The following ZFYVE19 variants were observed in gnomAD, a reference collection of about 807,000 sequenced individuals.
The protein encoded by ZFYVE19 is abscission/NoCut checkpoint regulator.
In ZFYVE19, 49 loss-of-function variants were observed where a neutral mutation model predicts 62.8. That is an observed-to-expected ratio of 0.78 (90% CI 0.62 to 0.99). The LOEUF (loss-of-function observed/expected upper bound fraction) is 0.99. Ranked by LOEUF, ZFYVE19 falls within the 50% of genes least tolerant of loss-of-function variation. ZFYVE19 has a pLI of 0.00. For missense variants in ZFYVE19, 630 were observed against 601.9 expected (o/e 1.05, Z -0.49); for synonymous variants, 242 against 234.3 (o/e 1.03, Z -0.30).
At position 40,809,849 on chromosome 15, in the gene ZFYVE19, C is replaced by A; in HGVS notation, c.453-3C>A. ...CAAGAGCCTCTATCTCATATCCTGC[C>A]AGGCGTGTGGCAGCCTTGGAAGCCA... On this transcript the variant is annotated splice_polypyrimidine_tract_variant and splice_region_variant and intron_variant, in intron 3 of 10. Coordinates refer to ENST00000355341, the MANE Select transcript of ZFYVE19 (RefSeq NM_001077268.2). The A allele has an allele frequency of 1.2e-6, 2 of 1,614,088 alleles. No individual in the cohort carries two copies. The highest frequency in any genetic ancestry group is 1.7e-6 in the Non-Finnish European group (2 of 1,179,958).
Position 40,807,799 on chromosome 15 carries a change from G to A in ZFYVE19, c.210G>A (p.Ala70=). 6.4e-7 allele frequency: 1 copy of A among 1,558,452 alleles called. No homozygotes were observed. Among genetic ancestry groups the A allele is most frequent in the Non-Finnish European group, 8.6e-7 (1 of 1,158,158 alleles). The change falls in exon 1 of 11, where the codon GCG becomes GCA. Residue 70 remains alanine (A), a synonymous_variant. Coordinates refer to ENST00000355341, the MANE Select transcript of ZFYVE19 (RefSeq NM_001077268.2). ...GRRDLSSADP[A]VLGATMESRC... ...GTGATCTCAGCTCTGCAGACCCTGC[G>A]GTGCTGGGAGCCACCATGGAGAGTA...
Position 40,809,237 on chromosome 15 carries a change from C to A in ZFYVE19, c.398C>A (p.Thr133Asn). 6.2e-7 allele frequency: 1 copy of A among 1,614,120 alleles called. No homozygotes were observed. Residue 133 changes from threonine (T) to asparagine (N), a missense_variant, in exon 2 of 11, where the codon ACC becomes AAC. By Grantham distance (65) the Thr-to-Asn change is moderately conservative (BLOSUM62 0). Transcript: ENST00000355341. Reference protein sequence around the residue: ...KVCKQCHEVLTRGSSANASKW... With the variant: ...KVCKQCHEVLNRGSSANASKW... Reference sequence around the variant, plus strand: ...TGCAAGCAATGCCATGAGGTCCTGACCAGGTAAGAGGCAGGCATGGGTGAA... The same window carrying A: ...TGCAAGCAATGCCATGAGGTCCTGAACAGGTAAGAGGCAGGCATGGGTGAA...
chr15:40,807,883 C>T lies in ZFYVE19; in HGVS notation c.279+15C>T. 2 of 1,539,850 alleles carry T rather than the reference C, an allele frequency of 1.3e-6. No individual in the cohort carries two copies. Among genetic ancestry groups the T allele is most frequent in the African/African-American group, 1.4e-5 (1 of 73,152 alleles). ...TCAAGAAGGAGGCGAGTCTTCCCTCCCCGAGGGCTGCAGGGCCAGGGAGGA... is the reference window on the plus strand; with the variant it reads ...TCAAGAAGGAGGCGAGTCTTCCCTCTCCGAGGGCTGCAGGGCCAGGGAGGA... On this transcript the variant is annotated intron_variant, in intron 1 of 10. Coordinates refer to ENST00000355341, the MANE Select transcript of ZFYVE19 (RefSeq NM_001077268.2).
chr15:40,807,640 C>G lies in ZFYVE19; in HGVS notation c.51C>G (p.Gly17=), dbSNP rs2141971365. ...QPPLPPLPYA[G]CRRASGFPAL... ...CGTTGCCGCCGCTGCCGTACGCTGG[C>G]TGCAGGAGAGCGTCCGGATTCCCTG... Residue 17 remains glycine, a synonymous_variant, in exon 1 of 11, where the codon GGC becomes GGG. Coordinates refer to ENST00000355341, the MANE Select transcript of ZFYVE19 (RefSeq NM_001077268.2). 6.2e-7 allele frequency: 1 copy of G among 1,612,054 alleles called. No homozygotes were observed. Among genetic ancestry groups the G allele is most frequent in the Non-Finnish European group, 8.5e-7 (1 of 1,179,368 alleles).
At position 40,812,898 on chromosome 15, in the gene ZFYVE19, G is replaced by A. The variant is rs1306203224; in HGVS notation, c.1026G>A (p.Glu342=). The change falls in exon 7 of 11, where the codon GAG becomes GAA. Residue 342 remains glutamate, a synonymous_variant. Coordinates refer to ENST00000355341, the MANE Select transcript of ZFYVE19 (RefSeq NM_001077268.2). ...RLAMLRGQDP[E]RVTLQDYRLP... is the part of the protein sequence containing the mutation. ...CCATGCTGCGGGGACAGGACCCCGA[G>A]AGAGGTGAAGGCTGGGGAGCAGCTG... is the stretch of plus-strand genomic sequence containing the variant. 2 of 1,610,128 alleles carry A rather than the reference G, an allele frequency of 1.2e-6. No homozygotes were observed. Among genetic ancestry groups the A allele is most frequent in the Admixed American group, 3.3e-5 (2 of 60,004 alleles).
intron 1 of ZFYVE19, chr15:40,808,659 A>G: frequency 2.8e-6 from 1 of 360,704 alleles, no homozygotes; most frequent in Non-Finnish European, 5.1e-6. Flanking sequence ...AAATCACATG[A>G]TGAATGTTAA....
At chr15:40,813,637 C>A (rs924364047) in intron 8 of ZFYVE19, 76 bp from the exon 9 acceptor site, 2 of 1,378,506 alleles carry the variant, frequency 1.5e-6, no homozygotes, top group African/African-American at 2.9e-5. Context: ...GCTAAGTCCA[C>A]AGTGCACAGA....
intron 7 of ZFYVE19, 123 bp from the exon 8 acceptor site, chr15:40,813,215 C>T (rs1890552689): frequency 2.1e-6 from 2 of 938,094 alleles, no homozygotes; most frequent in African/African-American, 1.6e-5. Flanking sequence ...GAAGAGGCTT[C>T]TCAGCTCTGG....
rs1367944786 is a variant in ZFYVE19, at chr15:40,807,269, C to T, written c.-321C>T. 1 of 1,604,858 alleles carries T rather than the reference C, an allele frequency of 6.2e-7. No homozygotes were observed. The highest frequency in any genetic ancestry group is 8.5e-7 in the Non-Finnish European group (1 of 1,175,934). On this transcript the variant is annotated 5_prime_UTR_variant, in exon 1 of 11. Coordinates refer to ENST00000355341, the MANE Select transcript of ZFYVE19 (RefSeq NM_001077268.2). The stretch of plus-strand genomic sequence containing the variant: ...CGACCCTCGCTCCCCGCCCAGGACC[C>T]GAATGAACCTGGAGAGCGGATGCCA...
chr15:40,810,115 C>T lies in ZFYVE19; in HGVS notation c.616C>T (p.Leu206=). ...QAEIEARLAA[L]KDERQGSIPS... Reference sequence around the variant, plus strand: ...AGAGATAGAGGCACGGCTGGCTGCCCTAAAGGATGAACGTCAGGGTTCCAT... The same window carrying T: ...AGAGATAGAGGCACGGCTGGCTGCCTTAAAGGATGAACGTCAGGGTTCCAT... Residue 206 remains leucine (L), a synonymous_variant, in exon 5 of 11, where the codon CTA becomes TTA. Transcript: ENST00000355341. 5 of 1,614,152 alleles carry T rather than the reference C, an allele frequency of 3.1e-6. No individual in the cohort carries two copies. The highest frequency in any genetic ancestry group is 1.6e-4 in the Middle Eastern group (1 of 6,062).
chr15:40,810,690 A>G lies in ZFYVE19; in HGVS notation c.759A>G (p.Thr253=). 6.3e-7 allele frequency: 1 copy of G among 1,577,860 alleles called. No homozygotes were observed. The highest frequency in any genetic ancestry group is 8.6e-7 in the Non-Finnish European group (1 of 1,161,714). ...TPDTRTQAQQ[T]QDLLTQLAAE... ...ACACCAGGACCCAAGCCCAGCAGAC[A>G]CAGGATCTGCTAACGCAGCTGGCAG... is the stretch of plus-strand genomic sequence containing the variant. Residue 253 remains threonine (T), a synonymous_variant, in exon 6 of 11, where the codon ACA becomes ACG. Transcript: ENST00000355341.
rs941519840 is a variant in ZFYVE19, at chr15:40,814,610, G to C, written c.*384G>C. ...CTACAACCCTATGAGCCTGGGCCCTGTGAGAGGTGGCAGGAACAGAGCAGG... is the reference window on the plus strand; with the variant it reads ...CTACAACCCTATGAGCCTGGGCCCTCTGAGAGGTGGCAGGAACAGAGCAGG... On this transcript the variant is annotated 3_prime_UTR_variant, in exon 11 of 11. Transcript: ENST00000355341. 2.5e-4 allele frequency: 70 copies of C among 274,686 alleles called. No homozygotes were observed. Among genetic ancestry groups the C allele is most frequent in the South Asian group, 2.4e-4 (6 of 25,366 alleles). The allele number at this position is 274,686 out of a possible 1,614,324, so 17.0% of individuals were successfully genotyped here. A position where few individuals can be genotyped will look rare whatever the true frequency, so the allele number is the denominator to read the frequency against.
chr15:40,809,140 A>C lies in ZFYVE19; in HGVS notation c.301A>C (p.Arg101=). 1 of 1,614,144 alleles carries C rather than the reference A, an allele frequency of 6.2e-7. No homozygotes were observed. Among genetic ancestry groups the C allele is most frequent in the South Asian group, 1.1e-5 (1 of 91,080 alleles). Residue 101 remains arginine, a synonymous_variant, in exon 2 of 11, where the codon AGG becomes CGG. Coordinates refer to ENST00000355341, the MANE Select transcript of ZFYVE19 (RefSeq NM_001077268.2). The part of the protein sequence containing the change: ...KKEYGCKNCG[R]AFCSGCLSFS... ...GTAGTACGGCTGTAAGAATTGTGGC[A>C]GGGCCTTCTGTTCAGGCTGCCTAAG...
intron 6 of ZFYVE19, 130 bp from the exon 7 acceptor site, chr15:40,812,562 AAAGAAAG>A (rs1890524250): frequency 9.7e-6 from 5 of 516,186 alleles, no homozygotes; most frequent in Admixed American, 4.5e-5. Context: ...AAAAAAAAAG[AAAGAAAG>A]AAAGAAAGAA....
At chr15:40,812,556 AAAAAGAAAGAAAG>A in intron 6 of ZFYVE19, 130 bp from the exon 7 acceptor site, 13 of 545,856 alleles carry the variant, frequency 2.4e-5, no homozygotes, top group African/African-American at 2.5e-5. Context: ...AAAAAAAAAA[AAAAAGAAAGAAAG>A]AAAGAAAGAA....
chr15:40,809,363 C>T (rs764201172), intron 2 of ZFYVE19, 45 bp from the exon 3 acceptor site: 1 of 1,613,888 alleles, frequency 6.2e-7, no homozygotes, highest in Admixed American at 1.7e-5. Flanking sequence ...GGGGCACTGC[C>T]TGGTGGGATG....
intron 5 of ZFYVE19, among the ~76,000 whole-genome samples, chr15:40,810,420 A>G (rs1890447975): frequency 2.0e-5 from 3 of 152,130 alleles, no homozygotes. Flanking sequence ...CTACCTCCTG[A>G]TCCTCAGGCC....
Position 40,814,277 on chromosome 15 carries a change from T to A in ZFYVE19, c.*51T>A. 1 of 1,604,894 alleles carries A rather than the reference T, an allele frequency of 6.2e-7. No homozygotes were observed. The highest frequency in any genetic ancestry group is 1.7e-5 in the Admixed American group (1 of 59,238). On this transcript the variant is annotated 3_prime_UTR_variant, in exon 11 of 11. Transcript: ENST00000355341. ...CAGTCCCACAGGCAGCGGCACCCAT[T>A]TCTGGGCCCAGCCACAGGACGTCCG...
intron 7 of ZFYVE19, among the ~76,000 whole-genome samples, chr15:40,813,106 G>A (rs1890548150): frequency 6.6e-6 from 1 of 152,204 alleles, no homozygotes; most frequent in South Asian, 2.1e-4. Flanking sequence ...CAGGGGCTGA[G>A]GCTTTCGCTC....
Sources: gnomAD v4.1 joint callset for allele counts (sites outside exome capture counted in the v4.1 genomes callset) on GRCh38, gnomAD v4.1.1 for gene constraint, MANE v1.5 for transcripts, NCBI Gene and HGNC (gene_info 2026-07-23, HGNC 2026-07-21) for gene names.